Variants in AGO4 observed in about 807,000 individuals in gnomAD.
AGO4 encodes the protein protein argonaute-4.
AGO4 carries 33 observed loss-of-function variants against 104.7 expected under a neutral mutation model. The ratio of observed to expected loss-of-function variants is 0.32; its 90% CI spans 0.24 to 0.42. AGO4 has a LOEUF of 0.42. Among genes scored for constraint, AGO4 ranks in the 10% least tolerant of loss-of-function variants. The pLI, the probability that AGO4 is intolerant of heterozygous loss-of-function variation, is 1.00. For missense variants in AGO4, 711 were observed against 1,083.4 expected (o/e 0.66, Z 4.83); for synonymous variants, 331 against 364.7 (o/e 0.91, Z 1.05).
At chr1:35,811,954 A>G (rs1385006414) in intron 1 of AGO4, among the ~76,000 whole-genome samples, 1 of 152,098 alleles carries the variant, frequency 6.6e-6, no homozygotes, top group Non-Finnish European at 1.5e-5. Context: ...TTATTATTAC[A>G]CACATGCCCA....
At chr1:35,825,890 T>A in intron 5 of AGO4, 36 bp from the exon 6 acceptor site, 1 of 1,608,310 alleles carries the variant, frequency 6.2e-7, no homozygotes, top group South Asian at 1.1e-5. Flanking sequence ...GCCCTTCCCT[T>A]TTCCCTGAAG....
At chr1:35,815,637 T>C (rs1193877432) in intron 1 of AGO4, among the ~76,000 whole-genome samples, 2 of 151,198 alleles carry the variant, frequency 1.3e-5, no homozygotes, top group Non-Finnish European at 3.0e-5. Flanking sequence ...TTTTTTGAAA[T>C]AGTTTGGAAA....
Position 35,841,688 on chromosome 1 carries a change from A to G in AGO4, c.2113A>G (p.Thr705Ala), listed in dbSNP as rs1033046945. Residue 705 changes from threonine to alanine, a missense_variant, in exon 15 of 18, where the codon ACT becomes GCT. Thr to Ala is a moderately conservative substitution (Grantham distance 58, BLOSUM62 0). Around this residue, in one of 3 missense-constraint regions of AGO4, gnomAD observed 401 missense variants for 665.5 expected, o/e 0.60. Transcript: ENST00000373210. The surrounding 1 kb of genome is among the most constrained non-coding windows in gnomAD (Gnocchi z 4.7). ...GGAAGAAGATTACCGGCCAGGAATA[A>G]CTTATATTGTGGTGCAAAAAAGACA... ...SLEEDYRPGI[T>A]YIVVQKRHHT... 6.2e-7 allele frequency: 1 copy of G among 1,614,068 alleles called. No homozygotes were observed. The highest frequency in any genetic ancestry group is 1.3e-5 in the African/African-American group (1 of 75,006).
At chr1:35,848,748 T>C (rs1644632549) in intron 15 of AGO4, among the ~76,000 whole-genome samples, 1 of 151,682 alleles carries the variant, frequency 6.6e-6, no homozygotes, top group South Asian at 2.1e-4. Context: ...AGTAGAAAAA[T>C]ACTTTTAACT....
chr1:35,831,404 A>T, intron 7 of AGO4, 23 bp from the exon 8 acceptor site: 3 of 1,566,788 alleles, frequency 1.9e-6, no homozygotes, highest in Non-Finnish European at 2.6e-6. Context: ...GAAATATTCT[A>T]AAAAAGACAT....
intron 1 of AGO4, among the ~76,000 whole-genome samples, chr1:35,810,035 T>TG (rs1006004683): frequency 9.1e-4 from 136 of 149,302 alleles, no homozygotes; most frequent in Middle Eastern, 6.8e-3. Flanking sequence ...CTCTTTTTTT[T>TG]TTTTGTTTTG....
chr1:35,826,000 A>G lies in AGO4; in HGVS notation c.700A>G (p.Asn234Asp). Reference protein sequence around the residue: ...MCEVLDIQNINEQTKPLTDSQ... With the variant: ...MCEVLDIQNIDEQTKPLTDSQ... ...TGAGGTTTTAGACATTCAGAACATC[A>G]ATGAACAGACCAAACCTCTAACAGA... Residue 234 changes from asparagine (N) to aspartate (D), a missense_variant, in exon 6 of 18, where the codon AAT becomes GAT. Transcript: ENST00000373210. 1 of 1,614,206 alleles carries G rather than the reference A, an allele frequency of 6.2e-7. No individual in the cohort carries two copies. Among genetic ancestry groups the G allele is most frequent in the South Asian group, 1.1e-5 (1 of 91,088 alleles).
At chr1:35,843,480 G>A (rs1644497892) in intron 15 of AGO4, among the ~76,000 whole-genome samples, 1 of 152,034 alleles carries the variant, frequency 6.6e-6, no homozygotes, top group African/African-American at 2.4e-5. Context: ...TAAATTAAAA[G>A]GGCTGTCTTT....
chr1:35,822,615 G>T (rs1247593246), intron 2 of AGO4, among the ~76,000 whole-genome samples: 2 of 152,130 alleles, frequency 1.3e-5, no homozygotes, highest in Admixed American at 1.3e-4. Context: ...GAGGTTGAGA[G>T]GATACCATAA....
intron 7 of AGO4, among the ~76,000 whole-genome samples, chr1:35,828,883 G>A (rs535243558): frequency 7.4e-4 from 112 of 152,240 alleles, no homozygotes; most frequent in African/African-American, 2.6e-3. Flanking sequence ...ATGTGAAAGT[G>A]CTTTAAAAAT....
chr1:35,826,495 G>A (rs983505748), intron 6 of AGO4, among the ~76,000 whole-genome samples: 1 of 152,118 alleles, frequency 6.6e-6, no homozygotes, highest in African/African-American at 2.4e-5. Flanking sequence ...ATAAGCATCA[G>A]AACATAGTTG....
intron 16 of AGO4, 60 bp from the exon 17 acceptor site, chr1:35,850,794 A>AAC (rs1557583529): frequency 3.5e-5 from 39 of 1,100,830 alleles, no homozygotes; most frequent in East Asian, 2.3e-4. Flanking sequence ...AAAAAAAAAA[A>AAC]AAAAACAAAA....
intron 2 of AGO4, among the ~76,000 whole-genome samples, chr1:35,818,482 G>A (rs951629754): frequency 3.3e-5 from 5 of 152,006 alleles, no homozygotes; most frequent in Admixed American, 6.6e-5. Flanking sequence ...AAATTAGCTG[G>A]GCATAGTGGC....
intron 17 of AGO4, among the ~76,000 whole-genome samples, chr1:35,852,322 A>G (rs1443349833): frequency 6.6e-6 from 1 of 152,240 alleles, no homozygotes; most frequent in Non-Finnish European, 1.5e-5. Flanking sequence ...GATAAGGATA[A>G]TAATCACTTA....
At chr1:35,834,972 C>T (rs1242892722) in intron 12 of AGO4, among the ~76,000 whole-genome samples, 1 of 149,452 alleles carries the variant, frequency 6.7e-6, no homozygotes, top group Admixed American at 6.7e-5. Context: ...ATTGGGATTA[C>T]AGGCATGGGC....
Position 35,822,969 on chromosome 1 carries a change from T to C in AGO4, c.293T>C (p.Ile98Thr), listed in dbSNP as rs1370835332. 12 of 1,613,852 alleles carry C rather than the reference T, an allele frequency of 7.4e-6. No homozygotes were observed. Among genetic ancestry groups the C allele is most frequent in the Admixed American group, 6.7e-5 (4 of 59,954 alleles). The change falls in exon 3 of 18, where the codon ATT becomes ACT. Residue 98 changes from isoleucine to threonine, a missense_variant. By Grantham distance (89) the Ile-to-Thr change is moderately conservative. Transcript: ENST00000373210. ...ATGTACACAGCACATCCACTACCAA[T>C]TGGACGGGATAGGGTAAGTGTTAAG... ...RNMYTAHPLPIGRDRVDMEVT... is the reference protein window; with the variant it reads ...RNMYTAHPLPTGRDRVDMEVT...
chr1:35,818,142 A>G (rs1643770995), intron 2 of AGO4, among the ~76,000 whole-genome samples: 1 of 152,228 alleles, frequency 6.6e-6, no homozygotes. Context: ...TGAGATTTAT[A>G]TATGAATGAA....
Position 35,841,576 on chromosome 1 carries a change from CA to C in AGO4, c.2041-37del, listed in dbSNP as rs773227526. The C allele has an allele frequency of 6.2e-7, 1 of 1,613,324 alleles. No homozygotes were observed. The highest frequency in any genetic ancestry group is 1.7e-5 in the Admixed American group (1 of 59,936). On this transcript the variant is annotated intron_variant, in intron 14 of 17. Transcript: ENST00000373210. This position sits in a 1 kb window ranked among gnomAD's most constrained non-coding sequence, Gnocchi z 4.7. ...CTGGGTAGATCTGAGAGATACTAGGCAAATTCTCAATTAAACATAATTCCAT... is the reference window on the plus strand; with the variant it reads ...CTGGGTAGATCTGAGAGATACTAGGCAATTCTCAATTAAACATAATTCCAT...
intron 3 of AGO4, among the ~76,000 whole-genome samples, chr1:35,823,881 C>T (rs190830542): frequency 1.8e-4 from 27 of 152,164 alleles, no homozygotes; most frequent in Middle Eastern, 3.4e-3. Flanking sequence ...CCACGCCCAG[C>T]GAGAGTTGTT....
Sources: allele counts gnomAD v4.1 joint callset (sites outside exome capture counted in the v4.1 genomes callset), GRCh38; gene constraint gnomAD v4.1.1; regional missense constraint gnomAD v4.1.1; non-coding constraint Gnocchi (gnomAD v3.1); transcripts MANE v1.5; gene names NCBI Gene and HGNC (gene_info 2026-07-23, HGNC 2026-07-21).